The following TRPM8 variants were observed in gnomAD, a reference collection of about 807,000 sequenced individuals.
The protein encoded by TRPM8 is TRPM8 cationic channel.
Under a neutral mutation model 133.7 loss-of-function variants are expected in TRPM8, and 110 were observed. That is an observed-to-expected ratio of 0.82 (90% CI 0.70 to 0.96). The LOEUF is 0.96. Ranked by LOEUF, TRPM8 falls within the 40% of genes least tolerant of loss-of-function variation. The pLI is 0.00. For synonymous variants in TRPM8, 535 were observed against 532.3 expected, an observed-to-expected ratio of 1.01 and a Z score of -0.07; for missense variants, 1,291 against 1,379.5, an observed-to-expected ratio of 0.94 and a Z score of 1.02.
rs1409631763 is a variant in TRPM8 at position 233,939,191 on chromosome 2, G to C, written c.526+16G>C. On this transcript the variant is annotated intron_variant, in intron 5 of 25. Transcript: ENST00000324695. ...CAGTCCAAAGGTGAGGGTGGGAGCA[G>C]CGACCGCGGGTTCTTCCATTCGGGC... The C allele has an allele frequency of 4.3e-6, 7 of 1,611,476 alleles. No individual in the cohort carries two copies. Among genetic ancestry groups the C allele is most frequent in the Non-Finnish European group, 5.9e-6 (7 of 1,178,504 alleles).
chr2:233,972,129 G>C (rs879636503), intron 17 of TRPM8, among the ~76,000 whole-genome samples: 4 of 152,034 alleles, frequency 2.6e-5, no homozygotes, highest in Non-Finnish European at 5.9e-5. Flanking sequence ...GGTGCTGATT[G>C]GTGTGTTTAC....
At chr2:233,954,047 G>A in intron 10 of TRPM8, 28 bp downstream of exon 10, 1 of 1,513,690 alleles carries the variant, frequency 6.6e-7, no homozygotes, top group Non-Finnish European at 9.0e-7. Flanking sequence ...CTTTTGAAGT[G>A]TCAGCTTTGT....
At chr2:233,955,755 G>A (rs1234443804) in intron 11 of TRPM8, among the ~76,000 whole-genome samples, 1 of 152,172 alleles carries the variant, frequency 6.6e-6, no homozygotes, top group Non-Finnish European at 1.5e-5. Flanking sequence ...GAACGTCTTA[G>A]AGCAGGGGTG....
rs138215643 is a variant in TRPM8, at chr2:234,001,391, G to C, written c.3130+4875G>C. The stretch of plus-strand genomic sequence containing the variant: ...TAAACCCTATCATCACTTATATTCC[G>C]GACGGCCCCCAGAAACCAATGAAAA... On this transcript the variant is annotated intron_variant, in intron 22 of 25. Coordinates refer to ENST00000324695, the MANE Select transcript of TRPM8 (RefSeq NM_024080.5). Among the ~76,000 whole-genome samples the C allele has an allele frequency of 3.5e-3, 531 of 152,118 alleles. 9 individuals carry two copies. Among genetic ancestry groups the C allele is most frequent in the African/African-American group, 0.012 (496 of 41,476 alleles).
intron 23 of TRPM8, among the ~76,000 whole-genome samples, 168 bp downstream of exon 23, chr2:234,007,120 G>A (rs756434268): frequency 6.6e-6 from 1 of 152,190 alleles, no homozygotes; most frequent in Non-Finnish European, 1.5e-5. Flanking sequence ...GCGTAAGTGT[G>A]TGCCAGCCTT....
rs201362041 is a variant in TRPM8, at chr2:233,926,683, G to C, written c.117+29G>C. 2.8e-4 allele frequency: 429 copies of C among 1,551,470 alleles called. 4 individuals are homozygous for C. In the South Asian group the frequency reaches 4.6e-3, roughly 17 times the overall value. ...AGTCATGCGCATCACCTGTTTGAAA[G>C]GTTATCATTGTAACCTTCGTAAGCC... On this transcript the variant is annotated intron_variant, in intron 2 of 25. Coordinates refer to ENST00000324695, the MANE Select transcript of TRPM8 (RefSeq NM_024080.5).
intron 2 of TRPM8, among the ~76,000 whole-genome samples, chr2:233,928,588 A>C (rs1691617124): frequency 6.6e-6 from 1 of 152,202 alleles, no homozygotes; most frequent in African/African-American, 2.4e-5. Context: ...AAATTAGTTA[A>C]GTGGATGAAA....
intron 1 of TRPM8, among the ~76,000 whole-genome samples, chr2:233,925,801 C>T (rs1691502513): frequency 6.6e-6 from 1 of 152,050 alleles, no homozygotes; most frequent in Admixed American, 6.5e-5. Context: ...CGGGTTTTGT[C>T]TCGAGCTTCG....
chr2:233,985,768 C>A lies in TRPM8; in HGVS notation c.2842C>A (p.Leu948Met). The change falls in exon 21 of 26, where the codon CTG becomes ATG. Residue 948 changes from leucine (L) to methionine (M), a missense_variant. Coordinates refer to ENST00000324695, the MANE Select transcript of TRPM8 (RefSeq NM_024080.5). ...GTGTGTGGAGCTGGATGAGCACAACCTGCCCCGGTTCCCCGAGTGGATCAC... is the reference window on the plus strand; with the variant it reads ...GTGTGTGGAGCTGGATGAGCACAACATGCCCCGGTTCCCCGAGTGGATCAC... ...PLCVELDEHN[L>M]PRFPEWITIP... 1 of 1,614,214 alleles carries A rather than the reference C, an allele frequency of 6.2e-7. No homozygotes were observed. Among genetic ancestry groups the A allele is most frequent in the Non-Finnish European group, 8.5e-7 (1 of 1,180,032 alleles).
intron 12 of TRPM8, among the ~76,000 whole-genome samples, chr2:233,961,452 C>A (rs776379434): frequency 6.6e-6 from 1 of 151,810 alleles, no homozygotes; most frequent in Admixed American, 6.6e-5. Flanking sequence ...ACTACAGGCA[C>A]CTGCCACCAC....
intron 2 of TRPM8, among the ~76,000 whole-genome samples, chr2:233,927,522 C>T (rs1699207491): frequency 6.6e-6 from 1 of 152,122 alleles, no homozygotes; most frequent in African/African-American, 2.4e-5. Context: ...CTTGCACTTG[C>T]TCCCCAGTCA....
At chr2:233,942,801 G>A in intron 6 of TRPM8, 53 bp downstream of exon 6, 1 of 1,606,346 alleles carries the variant, frequency 6.2e-7, no homozygotes, top group South Asian at 1.1e-5. Flanking sequence ...AAAGACCATG[G>A]CATGGGCCTG....
chr2:233,965,591 AG>A (rs1339191787), intron 14 of TRPM8, among the ~76,000 whole-genome samples: 2 of 152,170 alleles, frequency 1.3e-5, no homozygotes, highest in African/African-American at 4.8e-5. Context: ...GTTTGCAACG[AG>A]GTATTTGCAT....
Position 233,985,708 on chromosome 2 carries a change from C to T in TRPM8, c.2782C>T (p.His928Tyr). ...CTCAGGTACCACGTATGACTTTGCC[C>T]ACTGCACCTTCACTGGGAATGAGTC... ...DVDGTTYDFA[H>Y]CTFTGNESKP... is the part of the protein sequence containing the mutation. Residue 928 changes from histidine (H) to tyrosine (Y), a missense_variant, in exon 21 of 26, where the codon CAC becomes TAC. His to Tyr is a moderately conservative substitution (Grantham distance 83, BLOSUM62 2). Coordinates refer to ENST00000324695, the MANE Select transcript of TRPM8 (RefSeq NM_024080.5). 2 of 1,614,136 alleles carry T rather than the reference C, an allele frequency of 1.2e-6. No homozygotes were observed. Among genetic ancestry groups the T allele is most frequent in the Non-Finnish European group, 1.7e-6 (2 of 1,180,016 alleles).
intron 1 of TRPM8, among the ~76,000 whole-genome samples, chr2:233,921,639 C>CT (rs71058584): frequency 0.16 from 22,259 of 143,512 alleles, 2,148 homozygotes; most frequent in East Asian, 0.3. Flanking sequence ...TTTTTCTTTT[C>CT]TTTTTTTTCT....
intron 5 of TRPM8, among the ~76,000 whole-genome samples, chr2:233,942,173 G>A (rs1178083129): frequency 1.0e-4 from 15 of 142,914 alleles, no homozygotes; most frequent in African/African-American, 3.8e-4. Context: ...TCTGCCTCCC[G>A]GGTTCAAGAA....
intron 14 of TRPM8, chr2:233,966,238 C>CG (rs374653257): frequency 1.9e-3 from 197 of 105,238 alleles, no homozygotes; most frequent in African/African-American, 7.9e-3. Context: ...GCTCTGATTA[C>CG]GGGGGGGTCG....
At chr2:233,975,814 A>G (rs1425658020) in intron 17 of TRPM8, among the ~76,000 whole-genome samples, 1 of 152,216 alleles carries the variant, frequency 6.6e-6, no homozygotes, top group Non-Finnish European at 1.5e-5. Context: ...CCCTGGAGGC[A>G]GAGGTTGCAG....
chr2:233,999,865 C>T (rs193294560), intron 22 of TRPM8, among the ~76,000 whole-genome samples: 13 of 152,270 alleles, frequency 8.5e-5, no homozygotes, highest in South Asian at 8.3e-4. Flanking sequence ...GGGCTGAACC[C>T]GGGGAGACTT....
Sources: gnomAD v4.1 joint callset for allele counts (sites outside exome capture counted in the v4.1 genomes callset) on GRCh38, gnomAD v4.1.1 for gene constraint, MANE v1.5 for transcripts, NCBI Gene and HGNC (gene_info 2026-07-23, HGNC 2026-07-21) for gene names.